Variants in TMEM135 observed in about 807,000 individuals in gnomAD.
TMEM135 encodes the protein transmembrane protein 135.
Under a neutral mutation model 60.3 loss-of-function variants are expected in TMEM135, and 30 were observed. The observed-to-expected ratio is 0.50, with a 90% confidence interval of 0.37 to 0.68. TMEM135 has a LOEUF of 0.68. TMEM135 is among the 30% of genes least tolerant of loss of function. TMEM135 has a pLI of 0.00. For missense variants in TMEM135, 468 were observed against 548.8 expected (o/e 0.85, Z 1.47); for synonymous variants, 190 against 186.7 (o/e 1.02, Z -0.14).
intron 4 of TMEM135, among the ~76,000 whole-genome samples, chr11:87,142,727 C>G (rs960501628): frequency 6.6e-6 from 1 of 150,440 alleles, no homozygotes; most frequent in Non-Finnish European, 1.5e-5. Flanking sequence ...CCTCCTTCAC[C>G]CCTTCCTCTC....
rs1942693452 is a variant in TMEM135 at position 87,314,545 on chromosome 11, G to A, written c.1075G>A (p.Glu359Lys). The change falls in exon 12 of 15, where the codon GAG becomes AAG. Residue 359 changes from glutamate (E) to lysine (K), a missense_variant and splice_region_variant. Coordinates refer to ENST00000305494, the MANE Select transcript of TMEM135 (RefSeq NM_022918.4). ...CATGTATTTAGCGTCCAAATTGGTA[G>A]AGGTAAGCGAAATTTTTGTGCAAGA... The part of the protein sequence containing the change: ...ISMYLASKLV[E>K]TMYFKGIEAG... 2 of 1,610,340 alleles carry A rather than the reference G, an allele frequency of 1.2e-6. No homozygotes were observed. Among genetic ancestry groups the A allele is most frequent in the Non-Finnish European group, 1.7e-6 (2 of 1,177,444 alleles).
At position 87,212,900 on chromosome 11, in the gene TMEM135, T is replaced by C. The variant is rs555379334; in HGVS notation, c.463-23738T>C. Among the ~76,000 whole-genome samples the C allele has an allele frequency of 1.3e-3, 201 of 151,812 alleles. 2 individuals are homozygous for C. The highest frequency in any genetic ancestry group is 4.6e-3 in the African/African-American group (192 of 41,442). Reference sequence around the variant, plus strand: ...TTTACTGATTTAATAAAAATTAATATACAAATTTATAGAAATTACTATTTA... The same window carrying C: ...TTTACTGATTTAATAAAAATTAATACACAAATTTATAGAAATTACTATTTA... On this transcript the variant is annotated intron_variant, in intron 5 of 14. Coordinates refer to ENST00000305494, the MANE Select transcript of TMEM135 (RefSeq NM_022918.4).
chr11:87,281,282 CA>C (rs1312920274), intron 6 of TMEM135, among the ~76,000 whole-genome samples: 1 of 152,054 alleles, frequency 6.6e-6, no homozygotes, highest in Non-Finnish European at 1.5e-5. Context: ...TATAAAAATG[CA>C]GTTTTTTTCA....
At chr11:87,056,740 G>T (rs1590984422) in intron 1 of TMEM135, among the ~76,000 whole-genome samples, 1 of 152,054 alleles carries the variant, frequency 6.6e-6, no homozygotes, top group African/African-American at 2.4e-5. Flanking sequence ...TCCTTCCTGG[G>T]CTTGAACTCT....
chr11:87,309,370 G>A, intron 9 of TMEM135, 135 bp from the exon 10 acceptor site: 1 of 801,448 alleles, frequency 1.2e-6, no homozygotes, highest in South Asian at 1.6e-5. Context: ...AGGTTTTAAG[G>A]CTTTATTTTG....
chr11:87,319,923 G>A (rs1942792162), intron 14 of TMEM135, among the ~76,000 whole-genome samples: 1 of 152,078 alleles, frequency 6.6e-6, no homozygotes, highest in Admixed American at 6.6e-5. Flanking sequence ...ACCTTCAGCT[G>A]TGTTGCTATG....
At chr11:87,118,249 A>C (rs996014209) in intron 4 of TMEM135, among the ~76,000 whole-genome samples, 5 of 152,006 alleles carry the variant, frequency 3.3e-5, no homozygotes, top group African/African-American at 1.2e-4. Context: ...CATTGGCTTA[A>C]ACTTAAAGTC....
At chr11:87,117,059 G>T (rs796462358) in intron 4 of TMEM135, among the ~76,000 whole-genome samples, 2 of 152,242 alleles carry the variant, frequency 1.3e-5, no homozygotes, top group African/African-American at 4.8e-5. Context: ...CTGACCTCAT[G>T]ATCCACCTGC....
intron 3 of TMEM135, among the ~76,000 whole-genome samples, chr11:87,087,639 G>T (rs1470361536): frequency 1.3e-5 from 2 of 152,096 alleles, no homozygotes; most frequent in Non-Finnish European, 2.9e-5. Flanking sequence ...TGTTATACTC[G>T]GCTTAATCAT....
At chr11:87,078,625 GTT>G (rs1171464644) in intron 3 of TMEM135, among the ~76,000 whole-genome samples, 5 of 151,616 alleles carry the variant, frequency 3.3e-5, no homozygotes, top group African/African-American at 1.2e-4. Flanking sequence ...TTATTTGTTT[GTT>G]TTTTTGTGAC....
At chr11:87,133,231 A>C (rs1276826034) in intron 4 of TMEM135, among the ~76,000 whole-genome samples, 1 of 152,236 alleles carries the variant, frequency 6.6e-6, no homozygotes, top group Non-Finnish European at 1.5e-5. Context: ...TGGATAACTG[A>C]AACTGCAGAA....
At position 87,326,247 on chromosome 11, in the gene TMEM135, C is replaced by T. The variant is rs1413690802; in HGVS notation, c.*4914C>T. 2.2e-6 allele frequency: 1 copy of T among 454,018 alleles called. No homozygotes were observed. Among genetic ancestry groups the T allele is most frequent in the South Asian group, 1.6e-5 (1 of 64,472 alleles). 28.1% of individuals were successfully genotyped at this position (454,018 alleles called of 1,614,324 possible). Reference sequence around the variant, plus strand: ...ATAGGCATACAACATGCTTTATCTGCCTTGCTTAGACTCAGCATCCCTTTC... The same window carrying T: ...ATAGGCATACAACATGCTTTATCTGTCTTGCTTAGACTCAGCATCCCTTTC... On this transcript the variant is annotated 3_prime_UTR_variant, in exon 15 of 15. Transcript: ENST00000305494.
rs1188084325 is a variant in TMEM135 at position 87,157,323 on chromosome 11, T to C, written c.397-18T>C. The C allele has an allele frequency of 1.2e-6, 2 of 1,611,346 alleles. No individual in the cohort carries two copies. The highest frequency in any genetic ancestry group is 1.7e-6 in the Non-Finnish European group (2 of 1,178,406). On this transcript the variant is annotated intron_variant, in intron 4 of 14. Transcript: ENST00000305494. ...TGTAGATCATATATTTTTGCTGTTTTTTTTTTTTAATTTACAGGCCACAGA... is the reference window on the plus strand; with the variant it reads ...TGTAGATCATATATTTTTGCTGTTTCTTTTTTTTAATTTACAGGCCACAGA...
In TMEM135 at chr11:87,236,627, CTT is replaced by C; in HGVS notation, c.463-9_463-8del. ...TTCTTTTGCAAGTAATATATTTTCT[CTT>C]TGTTACAGGTCCTTTTGTTTTGCAT... On this transcript the variant is annotated splice_polypyrimidine_tract_variant and intron_variant, in intron 5 of 14. Coordinates refer to ENST00000305494, the MANE Select transcript of TMEM135 (RefSeq NM_022918.4). 6.2e-7 allele frequency: 1 copy of C among 1,611,742 alleles called. No homozygotes were observed. Among genetic ancestry groups the C allele is most frequent in the Non-Finnish European group, 8.5e-7 (1 of 1,178,592 alleles).
intron 5 of TMEM135, among the ~76,000 whole-genome samples, chr11:87,179,669 GA>G (rs1216561972): frequency 6.6e-6 from 1 of 151,866 alleles, no homozygotes; most frequent in African/African-American, 2.4e-5. Flanking sequence ...AGCATTTTTT[GA>G]AAAGTCTGTC....
intron 1 of TMEM135, among the ~76,000 whole-genome samples, chr11:87,043,653 G>T (rs1490659573): frequency 1.3e-5 from 2 of 152,102 alleles, no homozygotes; most frequent in Admixed American, 1.3e-4. Context: ...AACCTGGGAG[G>T]CGGAGGTTGT....
At chr11:87,319,928 G>A (rs529987763) in intron 14 of TMEM135, among the ~76,000 whole-genome samples, 185 of 152,260 alleles carry the variant, frequency 1.2e-3, no homozygotes, top group African/African-American at 4.3e-3. Flanking sequence ...CAGCTGTGTT[G>A]CTATGGAAAA....
chr11:87,215,279 A>G (rs1414146123), intron 5 of TMEM135, among the ~76,000 whole-genome samples: 1 of 152,184 alleles, frequency 6.6e-6, no homozygotes, highest in African/African-American at 2.4e-5. Context: ...GTTACTTATT[A>G]TCTATTACCA....
chr11:87,111,645 C>T (rs1220475737), intron 4 of TMEM135, among the ~76,000 whole-genome samples: 15 of 106,366 alleles, frequency 1.4e-4, no homozygotes, highest in Non-Finnish European at 2.4e-4. Flanking sequence ...AGCAAGACTC[C>T]GTCTCAAAAA....
Sources: gnomAD v4.1 joint callset for allele counts (sites outside exome capture counted in the v4.1 genomes callset) on GRCh38, gnomAD v4.1.1 for gene constraint, MANE v1.5 for transcripts, NCBI Gene and HGNC (gene_info 2026-07-23, HGNC 2026-07-21) for gene names.